Variants in PSMD7 observed in about 807,000 individuals in gnomAD.
PSMD7 encodes the protein proteasome 26S subunit, non-ATPase 7, also known as 26S proteasome non-ATPase regulatory subunit 7.
In PSMD7, 13 loss-of-function variants were observed where a neutral mutation model predicts 36.4. The ratio of observed to expected loss-of-function variants is 0.36; its 90% CI spans 0.23 to 0.57. PSMD7 has a LOEUF of 0.57. Among genes scored for constraint, PSMD7 ranks in the 20% least tolerant of loss-of-function variants. The pLI is 0.83. For missense variants in PSMD7, 298 were observed against 393.6 expected, an observed-to-expected ratio of 0.76 and a Z score of 2.06; for synonymous variants, 186 against 151.0, an observed-to-expected ratio of 1.23 and a Z score of -1.70.
chr16:74,300,955 C>T (rs1028086797), intron 2 of PSMD7, 97 bp from the exon 3 acceptor site: 5 of 625,238 alleles, frequency 8.0e-6, no homozygotes, highest in South Asian at 5.2e-5. Flanking sequence ...AAGTGAAACA[C>T]GTAAGTGAAT....
intron 1 of PSMD7, among the ~76,000 whole-genome samples, chr16:74,297,343 A>G (rs1032621195): frequency 5.3e-5 from 8 of 151,700 alleles, no homozygotes; most frequent in African/African-American, 1.9e-4. Context: ...CCCCGCCCCC[A>G]AGCTCGTGTC....
intron 1 of PSMD7, among the ~76,000 whole-genome samples, chr16:74,298,825 G>C (rs2034134330): frequency 6.6e-6 from 1 of 152,154 alleles, no homozygotes; most frequent in Admixed American, 6.5e-5. Context: ...AGTGAGCGAA[G>C]ATCACACCAC....
At chr16:74,305,090 A>AAGAT in intron 6 of PSMD7, 199 bp from the exon 7 acceptor site, 1 of 689,130 alleles carries the variant, frequency 1.5e-6, no homozygotes, top group South Asian at 2.9e-5. Flanking sequence ...TGTGATGAGA[A>AAGAT]AGATAAAATG....
chr16:74,302,685 G>T (rs2034164801), intron 5 of PSMD7, among the ~76,000 whole-genome samples: 1 of 152,208 alleles, frequency 6.6e-6, no homozygotes, highest in Admixed American at 6.5e-5. Flanking sequence ...CAAGGTTACA[G>T]TGAGCAATGA....
Position 74,296,904 on chromosome 16 carries a change from G to A in PSMD7, c.-11G>A. On this transcript the variant is annotated 5_prime_UTR_variant, in exon 1 of 7. Transcript: ENST00000219313. Reference sequence around the variant, plus strand: ...GCAGGGAGCCAGGCCTGGCGAGCGGGGTGTGTCGCGATGCCGGAGCTGGCA... The same window carrying A: ...GCAGGGAGCCAGGCCTGGCGAGCGGAGTGTGTCGCGATGCCGGAGCTGGCA... 1 of 1,613,030 alleles carries A rather than the reference G, an allele frequency of 6.2e-7. No homozygotes were observed. Among genetic ancestry groups the A allele is most frequent in the Non-Finnish European group, 8.5e-7 (1 of 1,179,722 alleles).
At chr16:74,301,231 G>A in intron 3 of PSMD7, 87 bp downstream of exon 3, 1 of 855,318 alleles carries the variant, frequency 1.2e-6, no homozygotes, top group Non-Finnish European at 1.8e-6. Flanking sequence ...AACATCAAGG[G>A]CCCTTTCACT....
chr16:74,297,805 C>T (rs1353532062), intron 1 of PSMD7, among the ~76,000 whole-genome samples: 1 of 152,140 alleles, frequency 6.6e-6, no homozygotes, highest in Non-Finnish European at 1.5e-5. Context: ...GCCCTGACCC[C>T]CGCCCCCAGG....
Position 74,296,853 on chromosome 16 carries a change from G to A in PSMD7, c.-62G>A, listed in dbSNP as rs368923669. 2 of 1,569,796 alleles carry A rather than the reference G, an allele frequency of 1.3e-6. No individual in the cohort carries two copies. Among genetic ancestry groups the A allele is most frequent in the Non-Finnish European group, 1.7e-6 (2 of 1,146,650 alleles). On this transcript the variant is annotated 5_prime_UTR_variant, in exon 1 of 7. Transcript: ENST00000219313. ...TGGGCCTGAAAGGGTACCGGTGACCGCTACTGCTGCCGGTGTTTGCGTGTG... is the reference window on the plus strand; with the variant it reads ...TGGGCCTGAAAGGGTACCGGTGACCACTACTGCTGCCGGTGTTTGCGTGTG...
chr16:74,301,078 G>A lies in PSMD7; in HGVS notation c.193G>A (p.Asp65Asn), dbSNP rs537436459. Residue 65 changes from aspartate to asparagine, a missense_variant, in exon 3 of 7, where the codon GAT (aspartate) becomes AAT (asparagine). Transcript: ENST00000219313. ...TCCTTTTGATGAAGATGACAAAGAC[G>A]ATTCTGTATGGTTTTTAGACCATGA... is the stretch of plus-strand genomic sequence containing the variant. ...AVPFDEDDKDDSVWFLDHDYL... is the reference protein window; with the variant it reads ...AVPFDEDDKDNSVWFLDHDYL... 2.6e-5 allele frequency: 42 copies of A among 1,612,672 alleles called. No homozygotes were observed. Among genetic ancestry groups the A allele is most frequent in the Admixed American group, 6.7e-5 (4 of 59,926 alleles).
At position 74,305,538 on chromosome 16, in the gene PSMD7, G is replaced by A. The variant is rs376923910; in HGVS notation, c.780G>A (p.Val260=). ...AGACCAATGACCAGATGGTGGTAGT[G>A]TACTTGGCCTCGCTGATCCGTTCCG... ...YLKTNDQMVV[V]YLASLIRSVV... Residue 260 remains valine (V), a synonymous_variant, in exon 7 of 7, where the codon GTG becomes GTA. Transcript: ENST00000219313. 1 of 1,614,098 alleles carries A rather than the reference G, an allele frequency of 6.2e-7. No individual in the cohort carries two copies. The highest frequency in any genetic ancestry group is 8.5e-7 in the Non-Finnish European group (1 of 1,179,972).
intron 5 of PSMD7, among the ~76,000 whole-genome samples, chr16:74,302,969 T>A (rs1182813649): frequency 6.6e-6 from 1 of 152,244 alleles, no homozygotes; most frequent in Non-Finnish European, 1.5e-5. Context: ...GCCAAATGTA[T>A]TGCCTAATTG....
At chr16:74,302,402 A>C in intron 5 of PSMD7, 110 bp downstream of exon 5, 1 of 905,532 alleles carries the variant, frequency 1.1e-6, no homozygotes, top group South Asian at 1.6e-5. Flanking sequence ...TAACAAAAGA[A>C]GGTAGTTTTT....
chr16:74,297,307 T>TG (rs1165497075), intron 1 of PSMD7, among the ~76,000 whole-genome samples: 1 of 152,096 alleles, frequency 6.6e-6, no homozygotes, highest in African/African-American at 2.4e-5. Context: ...GGTCGGGAGA[T>TG]GCGGCTAGCT....
In PSMD7 at chr16:74,305,948, GAT is replaced by G. The variant is rs1251045977; in HGVS notation, c.*218_*219del. On this transcript the variant is annotated 3_prime_UTR_variant, in exon 7 of 7. Coordinates refer to ENST00000219313, the MANE Select transcript of PSMD7 (RefSeq NM_002811.5). ...GCAGCTTTCGCTGCTGTGAGTTGGG[GAT>G]ATGATAGTCAGCTCAGGCTTCAGAT... 2.5e-6 allele frequency: 1 copy of G among 406,152 alleles called. No individual in the cohort carries two copies. The highest frequency in any genetic ancestry group is 4.2e-6 in the Non-Finnish European group (1 of 239,454). The allele number at this position is 406,152 out of a possible 1,614,324, so 25.2% of individuals were successfully genotyped here.
chr16:74,304,168 C>G, intron 5 of PSMD7, 135 bp from the exon 6 acceptor site: 1 of 721,256 alleles, frequency 1.4e-6, no homozygotes, highest in Non-Finnish European at 2.4e-6. Flanking sequence ...CCTTACCCAC[C>G]CTTGCCATAG....
chr16:74,300,393 T>C (rs1284436971), intron 2 of PSMD7, 187 bp downstream of exon 2: 7 of 609,116 alleles, frequency 1.1e-5, no homozygotes, highest in Non-Finnish European at 2.0e-5. Flanking sequence ...TTGCAGGCCA[T>C]GTGGTCTCCA....
At chr16:74,297,056 G>T in intron 1 of PSMD7, 68 bp downstream of exon 1, 2 of 1,543,452 alleles carry the variant, frequency 1.3e-6, no homozygotes, top group Non-Finnish European at 1.8e-6. Context: ...GCTGGAGATG[G>T]CGCGGCGGCC....
chr16:74,302,975 A>C (rs2034166964), intron 5 of PSMD7, among the ~76,000 whole-genome samples: 1 of 152,132 alleles, frequency 6.6e-6, no homozygotes. Flanking sequence ...TGTATTGCCT[A>C]ATTGCAGTAG....
chr16:74,300,017 T>C, intron 1 of PSMD7, 98 bp from the exon 2 acceptor site: 1 of 1,067,712 alleles, frequency 9.4e-7, no homozygotes, highest in Admixed American at 1.8e-5. Flanking sequence ...TAAACTAAAT[T>C]GTATCTGTGC....
Sources: gnomAD v4.1 joint callset for allele counts (sites outside exome capture counted in the v4.1 genomes callset) on GRCh38, gnomAD v4.1.1 for gene constraint, MANE v1.5 for transcripts, NCBI Gene and HGNC (gene_info 2026-07-23, HGNC 2026-07-21) for gene names.